Variants in THSD4 observed in about 807,000 individuals in gnomAD.
THSD4 encodes thrombospondin type-1 domain-containing protein 4.
A neutral mutation model predicts 119.0 loss-of-function variants in THSD4; 69 were observed. That is an observed-to-expected ratio of 0.58 (90% CI 0.48 to 0.71). The LOEUF (loss-of-function observed/expected upper bound fraction) is 0.71, where lower values mean the gene tolerates loss of function less well. THSD4 is among the 30% of genes least tolerant of loss of function. The pLI, the probability that THSD4 is intolerant of heterozygous loss-of-function variation, is 0.00. For synonymous variants in THSD4, 524 were observed against 540.4 expected (o/e 0.97, Z 0.42); for missense variants, 1,393 against 1,391.1 (o/e 1.00, Z -0.02).
chr15:71,728,603 G>T lies in THSD4; in HGVS notation c.1412G>T (p.Arg471Leu). The change falls in exon 9 of 18, where the codon CGA (arginine) becomes CTA (leucine). Residue 471 changes from arginine (R) to leucine (L), a missense_variant. Physicochemically the swap from Arg to Leu is moderately radical, Grantham distance 102. Transcript: ENST00000261862. ...ATCAATGGGAACTGGGCAATTGATC[G>T]ACCAGGAAAATACGAGGGCGGAGGG... is the stretch of plus-strand genomic sequence containing the variant. ...SIINGNWAID[R>L]PGKYEGGGTM... 2 of 1,614,130 alleles carry T rather than the reference G, an allele frequency of 1.2e-6. No homozygotes were observed. The highest frequency in any genetic ancestry group is 1.7e-6 in the Non-Finnish European group (2 of 1,180,026).
intron 7 of THSD4, among the ~76,000 whole-genome samples, chr15:71,583,504 C>T (rs369508407): frequency 7.3e-5 from 11 of 150,828 alleles, no homozygotes; most frequent in Admixed American, 2.6e-4. Flanking sequence ...TCTAAAGTTA[C>T]GTTGTTTATT....
At position 71,747,726 on chromosome 15, in the gene THSD4, T is replaced by G. The variant is rs114104579; in HGVS notation, c.2241+684T>G. ...AGTCAGAAATAAATCAGCAAAACTT[T>G]ATGACTCAGAAACAAACCAAACAAA... On this transcript the variant is annotated intron_variant, in intron 13 of 17. Transcript: ENST00000261862. Among the ~76,000 whole-genome samples, 434 of 152,346 alleles carry G rather than the reference T, an allele frequency of 2.8e-3. 5 individuals are homozygous for G. The highest frequency in any genetic ancestry group is 9.8e-3 in the African/African-American group (406 of 41,580).
At chr15:71,604,180 A>G (rs752086231) in intron 7 of THSD4, among the ~76,000 whole-genome samples, 16 of 152,164 alleles carry the variant, frequency 1.1e-4, no homozygotes, top group Non-Finnish European at 2.1e-4. Flanking sequence ...TGACATGAAG[A>G]TTTATTAAAA....
At chr15:71,537,492 C>G (rs1271537460) in intron 7 of THSD4, among the ~76,000 whole-genome samples, 1 of 152,134 alleles carries the variant, frequency 6.6e-6, no homozygotes, top group Non-Finnish European at 1.5e-5. Context: ...AAGTATTGCT[C>G]CTCTCACAAG....
At chr15:71,412,892 TACAG>T (rs1428808652) in intron 7 of THSD4, among the ~76,000 whole-genome samples, 5 of 152,234 alleles carry the variant, frequency 3.3e-5, no homozygotes, top group African/African-American at 7.2e-5. Flanking sequence ...GATATTTTGA[TACAG>T]ACATACAGTG....
intron 3 of THSD4, among the ~76,000 whole-genome samples, chr15:71,201,759 G>C (rs1737159322): frequency 6.6e-6 from 1 of 152,200 alleles, no homozygotes; most frequent in Non-Finnish European, 1.5e-5. Flanking sequence ...TTGGCTCGGA[G>C]CCAGGGGGAC....
intron 7 of THSD4, among the ~76,000 whole-genome samples, chr15:71,508,471 C>T (rs971015671): frequency 6.6e-6 from 1 of 152,170 alleles, no homozygotes; most frequent in Non-Finnish European, 1.5e-5. Context: ...CTGTCCCTCC[C>T]AAATCCCCAG....
chr15:71,628,971 C>G (rs1186032881), intron 7 of THSD4, among the ~76,000 whole-genome samples: 1 of 152,170 alleles, frequency 6.6e-6, no homozygotes. Flanking sequence ...GTTCTAGACA[C>G]TTGCGATGCG....
chr15:71,623,504 A>G (rs546933896), intron 7 of THSD4, among the ~76,000 whole-genome samples: 47 of 152,390 alleles, frequency 3.1e-4, no homozygotes, highest in Non-Finnish European at 6.0e-4. Flanking sequence ...AAAGAGGAGC[A>G]TTAGAAATAT....
chr15:71,629,283 C>T (rs1483079944), intron 7 of THSD4, among the ~76,000 whole-genome samples: 2 of 152,158 alleles, frequency 1.3e-5, no homozygotes, highest in Admixed American at 6.5e-5. Flanking sequence ...CTTCAGGTCT[C>T]CCAGCCTTAT....
At chr15:71,591,967 A>G (rs1365078212) in intron 7 of THSD4, among the ~76,000 whole-genome samples, 1 of 152,170 alleles carries the variant, frequency 6.6e-6, no homozygotes, top group Non-Finnish European at 1.5e-5. Flanking sequence ...TATTTCGTGT[A>G]ATTTTCCCAT....
chr15:71,331,731 G>T (rs960853264), intron 6 of THSD4, among the ~76,000 whole-genome samples: 3 of 152,144 alleles, frequency 2.0e-5, no homozygotes, highest in African/African-American at 7.2e-5. Context: ...CCCATCTCCA[G>T]GACTTTTTGT....
chr15:71,727,803 A>T (rs908370153), intron 8 of THSD4, among the ~76,000 whole-genome samples: 6 of 150,508 alleles, frequency 4.0e-5, no homozygotes, highest in Non-Finnish European at 5.9e-5. Context: ...AGGGGAGAAA[A>T]AATTGGATAA....
At chr15:71,546,251 C>T (rs1210100386) in intron 7 of THSD4, among the ~76,000 whole-genome samples, 1 of 152,054 alleles carries the variant, frequency 6.6e-6, no homozygotes, top group Non-Finnish European at 1.5e-5. Flanking sequence ...AGGGTGTTTC[C>T]ACTGCACCGT....
chr15:71,529,476 A>G (rs1371754962), intron 7 of THSD4, among the ~76,000 whole-genome samples: 1 of 152,238 alleles, frequency 6.6e-6, no homozygotes, highest in African/African-American at 2.4e-5. Context: ...GAAAGATGGA[A>G]TGAGGTTCTC....
intron 2 of THSD4, among the ~76,000 whole-genome samples, chr15:71,153,641 A>G (rs1313977557): frequency 6.6e-6 from 1 of 152,140 alleles, no homozygotes. Flanking sequence ...TAACTCCACA[A>G]GACCTAACCC....
At chr15:71,356,721 C>T (rs1251988836) in intron 6 of THSD4, among the ~76,000 whole-genome samples, 3 of 152,058 alleles carry the variant, frequency 2.0e-5, no homozygotes, top group African/African-American at 7.2e-5. Flanking sequence ...GGGTGCTGCC[C>T]TCTCTCATGG....
chr15:71,161,760 A>AG (rs2043252243), intron 3 of THSD4, among the ~76,000 whole-genome samples: 1 of 151,824 alleles, frequency 6.6e-6, no homozygotes, highest in South Asian at 2.1e-4. Flanking sequence ...TGTTATTGAT[A>AG]GGTAAGGTTT....
chr15:71,493,816 G>C (rs2047964385), intron 7 of THSD4, among the ~76,000 whole-genome samples: 1 of 152,232 alleles, frequency 6.6e-6, no homozygotes, highest in South Asian at 2.1e-4. Context: ...CCTTCCTTGT[G>C]AGGGAAGGGC....
Sources: gnomAD v4.1 joint callset for allele counts (sites outside exome capture counted in the v4.1 genomes callset) on GRCh38, gnomAD v4.1.1 for gene constraint, MANE v1.5 for transcripts, NCBI Gene and HGNC (gene_info 2026-07-23, HGNC 2026-07-21) for gene names.